Variants in WWOX observed in about 807,000 individuals in gnomAD.
WWOX encodes the protein WW domain containing oxidoreductase.
A neutral mutation model predicts 46.2 loss-of-function variants in WWOX; 69 were observed. The ratio of observed to expected loss-of-function variants is 1.49; its 90% CI spans 1.23 to 1.82. The LOEUF is 1.82. Ranked by LOEUF, WWOX falls within the 40% of genes most tolerant of loss-of-function variation. WWOX has a pLI of 0.00. For missense variants in WWOX, 919 were observed against 542.6 expected, an observed-to-expected ratio of 1.69 and a Z score of -6.89; for synonymous variants, 359 against 202.6, an observed-to-expected ratio of 1.77 and a Z score of -6.56.
At chr16:78,980,685 A>C (rs1465886728) in intron 8 of WWOX, among the ~76,000 whole-genome samples, 1 of 152,172 alleles carries the variant, frequency 6.6e-6, no homozygotes, top group African/African-American at 2.4e-5. Flanking sequence ...TCACAATCAG[A>C]ACTTTGACCT....
At chr16:78,684,818 C>T (rs1431335555) in intron 8 of WWOX, among the ~76,000 whole-genome samples, 1 of 152,138 alleles carries the variant, frequency 6.6e-6, no homozygotes, top group Non-Finnish European at 1.5e-5. Context: ...TTCAGTGAAG[C>T]AGTTATAGCT....
In WWOX at chr16:78,877,490, G is replaced by A. The variant is rs557081248; in HGVS notation, c.1057-334118G>A. 3.3e-5 allele frequency among the ~76,000 whole-genome samples: 5 copies of A among 152,306 alleles called. No homozygotes were observed. In the East Asian group the frequency reaches 7.7e-4, roughly 24 times the overall value. On this transcript the variant is annotated intron_variant, in intron 8 of 8. Coordinates refer to ENST00000566780, the MANE Select transcript of WWOX (RefSeq NM_016373.4). ...GCTCAACTGACACTTTCTCAGTGAAGCTGTTTCTCACCACTCACTATAAAA... is the reference window on the plus strand; with the variant it reads ...GCTCAACTGACACTTTCTCAGTGAAACTGTTTCTCACCACTCACTATAAAA...
chr16:79,161,454 GGGAGAGAA>G (rs1377586181), intron 8 of WWOX, among the ~76,000 whole-genome samples: 1 of 152,154 alleles, frequency 6.6e-6, no homozygotes, highest in African/African-American at 2.4e-5. Context: ...GGAGGAGTAG[GGGAGAGAA>G]GGAGAGAAGA....
intron 8 of WWOX, chr16:79,004,624 A>G (rs1470168505): frequency 6.6e-6 from 1 of 152,216 alleles, no homozygotes; most frequent in African/African-American, 2.4e-5. Context: ...ATGCTTTTGA[A>G]GCCCGTACGT....
chr16:78,436,976 T>C (rs920782385), intron 8 of WWOX, among the ~76,000 whole-genome samples: 5 of 152,220 alleles, frequency 3.3e-5, no homozygotes, highest in African/African-American at 7.2e-5. Flanking sequence ...CTAATTGTGA[T>C]TGAGAAGCTT....
intron 8 of WWOX, among the ~76,000 whole-genome samples, chr16:78,913,109 C>G (rs1476151941): frequency 6.6e-6 from 1 of 151,992 alleles, no homozygotes; most frequent in Non-Finnish European, 1.5e-5. Flanking sequence ...ATCTGACATC[C>G]TGCCCTACCT....
intron 8 of WWOX, among the ~76,000 whole-genome samples, chr16:78,974,696 G>C (rs986452449): frequency 2.6e-5 from 4 of 152,168 alleles, no homozygotes; most frequent in African/African-American, 4.8e-5. Context: ...CTACCTAATG[G>C]TGTTTACAGA....
chr16:78,177,255 A>G (rs1043485880), intron 5 of WWOX, among the ~76,000 whole-genome samples: 5 of 152,256 alleles, frequency 3.3e-5, no homozygotes, highest in African/African-American at 9.6e-5. Flanking sequence ...GCTATTTTAA[A>G]AATTGGCTGA....
At chr16:79,022,549 C>T (rs1168737139) in intron 8 of WWOX, among the ~76,000 whole-genome samples, 2 of 151,972 alleles carry the variant, frequency 1.3e-5, no homozygotes, top group African/African-American at 4.8e-5. Flanking sequence ...ATTCTCTTTC[C>T]AATAATATCT....
chr16:78,335,697 C>G (rs961531445), intron 5 of WWOX, among the ~76,000 whole-genome samples: 3 of 152,126 alleles, frequency 2.0e-5, no homozygotes, highest in African/African-American at 7.2e-5. Flanking sequence ...GGAATTCACC[C>G]AATCCGAATT....
At chr16:78,901,186 G>C (rs939346555) in intron 8 of WWOX, among the ~76,000 whole-genome samples, 13 of 152,154 alleles carry the variant, frequency 8.5e-5, no homozygotes, top group Non-Finnish European at 1.6e-4. Context: ...CTATCCATGA[G>C]AGTAGGTGCT....
chr16:78,561,437 G>T (rs755708857), intron 8 of WWOX, among the ~76,000 whole-genome samples: 3 of 152,156 alleles, frequency 2.0e-5, no homozygotes, highest in African/African-American at 4.8e-5. Context: ...AAGGGCAACT[G>T]ATGTGGAGTC....
intron 8 of WWOX, among the ~76,000 whole-genome samples, chr16:78,868,884 T>C (rs1403794349): frequency 1.3e-5 from 2 of 152,152 alleles, no homozygotes; most frequent in African/African-American, 4.8e-5. Context: ...TGTCTTTGCA[T>C]CCCTTAGAAA....
At chr16:78,164,535 T>C (rs1475684283) in intron 5 of WWOX, among the ~76,000 whole-genome samples, 1 of 152,240 alleles carries the variant, frequency 6.6e-6, no homozygotes, top group Non-Finnish European at 1.5e-5. Flanking sequence ...AGAATGTTTC[T>C]TCCTTTAACT....
chr16:78,756,047 G>A (rs1278263917), intron 8 of WWOX, among the ~76,000 whole-genome samples: 1 of 152,166 alleles, frequency 6.6e-6, no homozygotes, highest in African/African-American at 2.4e-5. Flanking sequence ...TCTGAGGCAT[G>A]AGAAGGCTCA....
intron 8 of WWOX, among the ~76,000 whole-genome samples, chr16:78,537,810 G>A (rs1402575677): frequency 6.6e-6 from 1 of 152,056 alleles, no homozygotes; most frequent in Non-Finnish European, 1.5e-5. Context: ...GGGTGTGCTG[G>A]GAGGGCCAGA....
At chr16:79,072,205 G>C (rs1000253712) in intron 8 of WWOX, among the ~76,000 whole-genome samples, 6 of 152,146 alleles carry the variant, frequency 3.9e-5, no homozygotes, top group Non-Finnish European at 7.4e-5. Flanking sequence ...AGGATTGCTT[G>C]AGCCTAGGGG....
In WWOX at chr16:78,913,121, C is replaced by T. The variant is rs574882296; in HGVS notation, c.1057-298487C>T. 2.1e-4 allele frequency among the ~76,000 whole-genome samples: 32 copies of T among 152,140 alleles called. No individual in the cohort carries two copies. In the South Asian group the frequency reaches 6.6e-3, roughly 32 times the overall value. On this transcript the variant is annotated intron_variant, in intron 8 of 8. Coordinates refer to ENST00000566780, the MANE Select transcript of WWOX (RefSeq NM_016373.4). ...CACATCTGACATCCTGCCCTACCTC[C>T]TGCCAGAAAAGATTTTGATTTCGAT... is the stretch of plus-strand genomic sequence containing the variant.
chr16:79,039,462 C>T (rs749933867), intron 8 of WWOX, among the ~76,000 whole-genome samples: 1 of 152,122 alleles, frequency 6.6e-6, no homozygotes, highest in Non-Finnish European at 1.5e-5. Flanking sequence ...CACAGCTGTG[C>T]AGAACCAGAG....
Sources: allele counts gnomAD v4.1 joint callset (sites outside exome capture counted in the v4.1 genomes callset), GRCh38; gene constraint gnomAD v4.1.1; transcripts MANE v1.5; gene names NCBI Gene and HGNC (gene_info 2026-07-23, HGNC 2026-07-21).